Variants in BTBD9 observed in about 807,000 individuals in gnomAD.
BTBD9 encodes BTB/POZ domain-containing protein 9.
Under a neutral mutation model 64.3 loss-of-function variants are expected in BTBD9, and 49 were observed. That is an observed-to-expected ratio of 0.76 (90% CI 0.61 to 0.97). The LOEUF is 0.97. Among genes scored for constraint, BTBD9 ranks in the 50% least tolerant of loss-of-function variants. BTBD9 has a pLI of 0.00. For synonymous variants in BTBD9, 260 were observed against 274.7 expected, an observed-to-expected ratio of 0.95 and a Z score of 0.53; for missense variants, 598 against 762.1, an observed-to-expected ratio of 0.78 and a Z score of 2.53.
At chr6:38,264,959 G>A (rs1384244051) in intron 8 of BTBD9, among the ~76,000 whole-genome samples, 4 of 152,166 alleles carry the variant, frequency 2.6e-5, no homozygotes, top group Non-Finnish European at 4.4e-5. Flanking sequence ...AAAACTGGCT[G>A]CTCATCAGAT....
intron 6 of BTBD9, among the ~76,000 whole-genome samples, chr6:38,378,119 C>T (rs1001601643): frequency 1.3e-5 from 2 of 152,158 alleles, no homozygotes; most frequent in Non-Finnish European, 2.9e-5. Context: ...TCTCGGGGAA[C>T]CCTCCCCCTT....
At chr6:38,420,543 GAGA>G (rs1767855688) in intron 6 of BTBD9, among the ~76,000 whole-genome samples, 2 of 151,998 alleles carry the variant, frequency 1.3e-5, no homozygotes, top group Admixed American at 6.6e-5. Flanking sequence ...TGGCTACACA[GAGA>G]AGGTTAAAAA....
In BTBD9 at chr6:38,294,349, C is replaced by T. The variant is rs554113546; in HGVS notation, c.1265-5888G>A. Among the ~76,000 whole-genome samples the T allele has an allele frequency of 1.5e-4, 23 of 152,288 alleles. No homozygotes were observed. In the South Asian group the frequency reaches 3.9e-3, roughly 26 times the overall value. The stretch of plus-strand genomic sequence containing the variant: ...ACCCAAAGGATTATAAATCATGCTG[C>T]TATAAAGAGACATGCACACATATGT... On this transcript the variant is annotated intron_variant, in intron 7 of 10. Coordinates refer to ENST00000481247, the MANE Select transcript of BTBD9 (RefSeq NM_001099272.2).
At position 38,447,764 on chromosome 6, in the gene BTBD9, T is replaced by C. The variant is rs79627728; in HGVS notation, c.1155-102671A>G. Reference sequence around the variant, plus strand: ...TTTTCCCTATTCACCAGCCTCTTTATTGGAAGAAGGCTGTACAATGTAGTT... The same window carrying C: ...TTTTCCCTATTCACCAGCCTCTTTACTGGAAGAAGGCTGTACAATGTAGTT... On this transcript the variant is annotated intron_variant, in intron 6 of 10. Transcript: ENST00000481247. 7.3e-3 allele frequency among the ~76,000 whole-genome samples: 1,114 copies of C among 152,350 alleles called. 9 individuals are homozygous for C. Among genetic ancestry groups the C allele is most frequent in the African/African-American group, 0.025 (1,054 of 41,580 alleles).
At chr6:38,532,427 A>G (rs1169706838) in intron 6 of BTBD9, among the ~76,000 whole-genome samples, 2 of 152,128 alleles carry the variant, frequency 1.3e-5, no homozygotes, top group African/African-American at 2.4e-5. Flanking sequence ...CGAGGGACTG[A>G]GGGGACAAGT....
chr6:38,525,555 A>T (rs1043827235), intron 6 of BTBD9, among the ~76,000 whole-genome samples: 1 of 152,246 alleles, frequency 6.6e-6, no homozygotes, highest in Non-Finnish European at 1.5e-5. Flanking sequence ...GAAGACAGGA[A>T]GATGAAGTTT....
At chr6:38,610,560 T>C (rs1008309561) in intron 1 of BTBD9, among the ~76,000 whole-genome samples, 1 of 152,140 alleles carries the variant, frequency 6.6e-6, no homozygotes, top group Non-Finnish European at 1.5e-5. Flanking sequence ...TCTTACAATA[T>C]AAAATGTGCC....
chr6:38,193,599 C>T (rs1055436194), intron 9 of BTBD9, among the ~76,000 whole-genome samples: 1 of 152,176 alleles, frequency 6.6e-6, no homozygotes, highest in Non-Finnish European at 1.5e-5. Context: ...CTTGGTTGAA[C>T]GCTCAGCAGC....
intron 1 of BTBD9, among the ~76,000 whole-genome samples, chr6:38,636,527 T>C (rs1778532119): frequency 6.6e-6 from 1 of 152,252 alleles, no homozygotes; most frequent in Non-Finnish European, 1.5e-5. Flanking sequence ...CTAGACATAT[T>C]ATCTTTGACT....
rs1765586563 is a variant in BTBD9, at chr6:38,374,313, A to ATG, written c.1155-29221_1155-29220insCA. Among the ~76,000 whole-genome samples the ATG allele has an allele frequency of 1.7e-5, 2 of 117,438 alleles. 1 individual carries two copies. The highest frequency in any genetic ancestry group is 3.4e-5 in the Non-Finnish European group (2 of 58,768). 77.0% of individuals were successfully genotyped at this position (117,438 alleles called of 152,430 possible). A position where few individuals can be genotyped will look rare whatever the true frequency, so the allele number is the denominator to read the frequency against. On this transcript the variant is annotated intron_variant, in intron 6 of 10. Transcript: ENST00000481247. Reference sequence around the variant, plus strand: ...TATATATATGTATATATATGTATATATATATATATATATGTATATAAAATC... The same window carrying ATG: ...TATATATATGTATATATATGTATATATGTATATATATATATGTATATAAAATC...
intron 7 of BTBD9, among the ~76,000 whole-genome samples, chr6:38,325,809 C>A (rs1337518109): frequency 6.6e-6 from 1 of 152,206 alleles, no homozygotes; most frequent in Non-Finnish European, 1.5e-5. Flanking sequence ...AAATCAGCAG[C>A]AGAGTGGAAA....
At chr6:38,589,920 T>G (rs571263642) in intron 4 of BTBD9, among the ~76,000 whole-genome samples, 2 of 152,300 alleles carry the variant, frequency 1.3e-5, no homozygotes, top group Admixed American at 1.3e-4. Flanking sequence ...CCCCTGGCAA[T>G]AGGTTTTCTC....
chr6:38,576,066 A>C (rs1431821381), intron 6 of BTBD9, among the ~76,000 whole-genome samples: 1 of 152,172 alleles, frequency 6.6e-6, no homozygotes, highest in East Asian at 1.9e-4. Context: ...TTATATTCAT[A>C]ATGATTTGTT....
intron 7 of BTBD9, among the ~76,000 whole-genome samples, chr6:38,301,946 G>C (rs1762419326): frequency 6.6e-6 from 1 of 152,050 alleles, no homozygotes; most frequent in African/African-American, 2.4e-5. Context: ...TTTTAATTGT[G>C]ATGTTAGGGT....
At chr6:38,329,359 G>A (rs1763584887) in intron 7 of BTBD9, among the ~76,000 whole-genome samples, 1 of 132,634 alleles carries the variant, frequency 7.5e-6, no homozygotes, top group Non-Finnish European at 1.6e-5. Context: ...ATCTGGCTCT[G>A]TCACCCTGGC....
At chr6:38,255,027 A>C (rs1764529637) in intron 9 of BTBD9, among the ~76,000 whole-genome samples, 1 of 152,250 alleles carries the variant, frequency 6.6e-6, no homozygotes, top group African/African-American at 2.4e-5. Context: ...CTATCAACTG[A>C]AGAATGGATA....
At chr6:38,397,192 G>A (rs1184893783) in intron 6 of BTBD9, among the ~76,000 whole-genome samples, 2 of 152,154 alleles carry the variant, frequency 1.3e-5, no homozygotes, top group African/African-American at 4.8e-5. Context: ...GTGAGCCACT[G>A]CACCGTCTCA....
chr6:38,638,559 A>T (rs1224837507), intron 1 of BTBD9, among the ~76,000 whole-genome samples: 1 of 152,226 alleles, frequency 6.6e-6, no homozygotes, highest in Non-Finnish European at 1.5e-5. Flanking sequence ...CCTAAAAGCT[A>T]TTACAGTGGA....
intron 6 of BTBD9, among the ~76,000 whole-genome samples, chr6:38,490,202 G>C (rs1427163222): frequency 6.6e-6 from 1 of 152,158 alleles, no homozygotes; most frequent in African/African-American, 2.4e-5. Context: ...TGCTTGTCCT[G>C]GGTTTGCTGC....
Sources: gnomAD v4.1 joint callset for allele counts (sites outside exome capture counted in the v4.1 genomes callset) on GRCh38, gnomAD v4.1.1 for gene constraint, MANE v1.5 for transcripts, NCBI Gene and HGNC (gene_info 2026-07-23, HGNC 2026-07-21) for gene names.